The following FHIT variants were observed in gnomAD, a reference collection of about 807,000 sequenced individuals.
FHIT encodes fragile histidine triad diadenosine triphosphatase, also known as bis(5'-adenosyl)-triphosphatase.
In FHIT, 19 loss-of-function variants were observed where a neutral mutation model predicts 17.9. The observed-to-expected ratio is 1.06, with a 90% CI of 0.74 to 1.56. The LOEUF (loss-of-function observed/expected upper bound fraction) is 1.56, where lower values mean the gene tolerates loss of function less well. Ranked by LOEUF, FHIT falls within the 40% of genes most tolerant of loss-of-function variation. FHIT has a pLI of 0.00. For synonymous variants in FHIT, 81 were observed against 69.7 expected, an observed-to-expected ratio of 1.16 and a Z score of -0.81; for missense variants, 248 against 189.2, an observed-to-expected ratio of 1.31 and a Z score of -1.82.
chr3:60,914,302 C>A (rs534075078), intron 3 of FHIT, among the ~76,000 whole-genome samples: 2 of 152,108 alleles, frequency 1.3e-5, no homozygotes, highest in South Asian at 4.1e-4. Flanking sequence ...ATTTTAATAA[C>A]AATAAAATAC....
chr3:59,817,156 C>T (rs1700628745), intron 8 of FHIT, among the ~76,000 whole-genome samples: 1 of 152,124 alleles, frequency 6.6e-6, no homozygotes, highest in East Asian at 1.9e-4. Flanking sequence ...TCTATAAGAT[C>T]CTCTGTTTTC....
rs568445990 is a variant in FHIT, at chr3:60,182,534, T to A, written c.104-168382A>T. On this transcript the variant is annotated intron_variant, in intron 5 of 9. Coordinates refer to ENST00000492590, the MANE Select transcript of FHIT (RefSeq NM_002012.4). ...GCTGACACCTGTAATCCTAGCACTT[T>A]GGGAGGCTGAGGCAGGCAGACAGCT... 4.6e-5 allele frequency among the ~76,000 whole-genome samples: 7 copies of A among 152,202 alleles called. No homozygotes were observed. The South Asian group carries it at 1.5e-3, about 32-fold the overall frequency.
chr3:60,528,954 T>G (rs1330638484), intron 5 of FHIT, among the ~76,000 whole-genome samples: 1 of 152,178 alleles, frequency 6.6e-6, no homozygotes, highest in Non-Finnish European at 1.5e-5. Flanking sequence ...ATAACTCCAC[T>G]GCCTAAGACA....
chr3:60,384,907 T>TC (rs1421714995), intron 5 of FHIT, among the ~76,000 whole-genome samples: 1 of 152,126 alleles, frequency 6.6e-6, no homozygotes, highest in East Asian at 1.9e-4. Flanking sequence ...AAATTTACGT[T>TC]CAATGCCTTC....
chr3:60,636,603 T>A (rs1553683961), intron 4 of FHIT, among the ~76,000 whole-genome samples: 1 of 152,158 alleles, frequency 6.6e-6, no homozygotes, highest in East Asian at 1.9e-4. Flanking sequence ...TGTTATTCTT[T>A]TTCCAATTAA....
rs1352505408 is a variant in FHIT at position 61,124,481 on chromosome 3, A to C, written c.-164+76136T>G. Among the ~76,000 whole-genome samples the C allele has an allele frequency of 2.6e-5, 4 of 152,080 alleles. No individual in the cohort carries two copies. In the East Asian group the frequency reaches 7.7e-4, roughly 29 times the overall value. On this transcript the variant is annotated intron_variant, in intron 2 of 9. Coordinates refer to ENST00000492590, the MANE Select transcript of FHIT (RefSeq NM_002012.4). The stretch of plus-strand genomic sequence containing the variant: ...TAGTGTTTGTCAGTTTTCATGGTGT[A>C]AATATTAATACATATTCTCATGGTG...
intron 8 of FHIT, among the ~76,000 whole-genome samples, chr3:59,917,263 A>C (rs1477495096): frequency 6.6e-6 from 1 of 152,186 alleles, no homozygotes; most frequent in Non-Finnish European, 1.5e-5. Flanking sequence ...TGCTATTCCC[A>C]CTTGCTTTAG....
chr3:61,237,225 G>A (rs960558371), intron 1 of FHIT, among the ~76,000 whole-genome samples: 14 of 152,108 alleles, frequency 9.2e-5, no homozygotes, highest in Admixed American at 2.0e-4. Context: ...TGTAATCCTT[G>A]AAATACAACA....
chr3:60,612,069 A>G (rs2038802388), intron 4 of FHIT, among the ~76,000 whole-genome samples: 1 of 152,126 alleles, frequency 6.6e-6, no homozygotes, highest in African/African-American at 2.4e-5. Flanking sequence ...ACTGGCCCAG[A>G]AATAATACCT....
chr3:60,951,666 G>A (rs372426465), intron 3 of FHIT, among the ~76,000 whole-genome samples: 67 of 152,252 alleles, frequency 4.4e-4, no homozygotes, highest in South Asian at 2.3e-3. Flanking sequence ...CAACGCTCTC[G>A]GAGCAAACGG....
chr3:61,092,531 C>T (rs2035518253), intron 2 of FHIT, among the ~76,000 whole-genome samples: 1 of 151,852 alleles, frequency 6.6e-6, no homozygotes. Context: ...TGCTTGCTGA[C>T]AATAAATTAT....
chr3:60,296,232 A>T (rs990595643), intron 5 of FHIT, among the ~76,000 whole-genome samples: 3 of 152,018 alleles, frequency 2.0e-5, no homozygotes, highest in Non-Finnish European at 2.9e-5. Context: ...GGGAAGGAGG[A>T]GGGGAAAGAA....
intron 3 of FHIT, among the ~76,000 whole-genome samples, chr3:61,036,985 C>T (rs908960643): frequency 6.7e-6 from 1 of 150,318 alleles, no homozygotes; most frequent in Non-Finnish European, 1.5e-5. Context: ...TATCTCCGCT[C>T]ACTGCAAGCT....
At chr3:60,236,333 A>T (rs1214962800) in intron 5 of FHIT, among the ~76,000 whole-genome samples, 1 of 150,158 alleles carries the variant, frequency 6.7e-6, no homozygotes, top group African/African-American at 2.5e-5. Context: ...GTCCCCAGAG[A>T]CTTCCTCCTC....
chr3:60,568,514 G>A (rs1055014281), intron 4 of FHIT, among the ~76,000 whole-genome samples: 6 of 151,944 alleles, frequency 3.9e-5, no homozygotes, highest in Admixed American at 3.3e-4. Context: ...GTTAAATCAC[G>A]AGTTGATGGG....
chr3:59,924,531 CT>C (rs1336250414), intron 7 of FHIT, among the ~76,000 whole-genome samples: 1 of 152,190 alleles, frequency 6.6e-6, no homozygotes, highest in African/African-American at 2.4e-5. Context: ...AGGATTAAGT[CT>C]GCTAACCATG....
intron 8 of FHIT, chr3:59,886,368 T>C (rs756695192): frequency 1.3e-5 from 2 of 152,266 alleles, no homozygotes; most frequent in Non-Finnish European, 2.9e-5. Flanking sequence ...GGTATTATGT[T>C]ACTGTCTCAG....
intron 3 of FHIT, among the ~76,000 whole-genome samples, chr3:60,928,471 C>G (rs955530620): frequency 6.6e-6 from 1 of 151,416 alleles, no homozygotes; most frequent in Non-Finnish European, 1.5e-5. Context: ...ATCACTTGAG[C>G]CTGGGAGGCA....
chr3:60,672,129 C>G (rs1270641753), intron 4 of FHIT, among the ~76,000 whole-genome samples: 4 of 152,072 alleles, frequency 2.6e-5, no homozygotes, highest in South Asian at 2.1e-4. Context: ...TTACTTTTAA[C>G]TCTTTGTGTT....
Sources: gnomAD v4.1 joint callset for allele counts (sites outside exome capture counted in the v4.1 genomes callset) on GRCh38, gnomAD v4.1.1 for gene constraint, MANE v1.5 for transcripts, NCBI Gene and HGNC (gene_info 2026-07-23, HGNC 2026-07-21) for gene names.